VSTM2L: variants seen among roughly 807,000 people sequenced by gnomAD.
The protein encoded by VSTM2L is V-set and transmembrane domain containing 2 like.
A neutral mutation model predicts 19.9 loss-of-function variants in VSTM2L; 9 were observed. The observed-to-expected ratio is 0.45, with a 90% CI of 0.27 to 0.79. The LOEUF is 0.79. VSTM2L is among the 30% of genes least tolerant of loss of function. VSTM2L has a pLI of 0.15. For missense variants in VSTM2L, 286 were observed against 295.5 expected (o/e 0.97, Z 0.24); for synonymous variants, 127 against 133.8 (o/e 0.95, Z 0.35).
intron 3 of VSTM2L, among the ~76,000 whole-genome samples, chr20:37,937,192 AAGG>A (rs1172197486): frequency 2.6e-5 from 4 of 152,144 alleles, no homozygotes; most frequent in African/African-American, 9.7e-5. Context: ...CTGCTCTCAT[AAGG>A]AGATCATTTA....
intron 1 of VSTM2L, among the ~76,000 whole-genome samples, chr20:37,908,317 A>G (rs2072761841): frequency 6.6e-6 from 1 of 152,182 alleles, no homozygotes; most frequent in African/African-American, 2.4e-5. Context: ...GGAGTCGGGT[A>G]AGTGACCCCT....
chr20:37,911,013 C>A (rs1314034408), intron 1 of VSTM2L, among the ~76,000 whole-genome samples: 2 of 151,750 alleles, frequency 1.3e-5, no homozygotes, highest in Non-Finnish European at 2.9e-5. Context: ...TGGCTCACAC[C>A]TGTAATCCCA....
Position 37,944,265 on chromosome 20 carries a change from T to C in VSTM2L, c.*12T>C, listed in dbSNP as rs1201911159. On this transcript the variant is annotated 3_prime_UTR_variant, in exon 4 of 4. Coordinates refer to ENST00000373461, the MANE Select transcript of VSTM2L (RefSeq NM_080607.3). ...CCTGCAGCCTCTAGACTGATGCCCC[T>C]GCCCCCGCCCATCCGCCCCCACGCT... The C allele has an allele frequency of 1.4e-5, 19 of 1,361,914 alleles. No individual in the cohort carries two copies. The highest frequency in any genetic ancestry group is 1.8e-5 in the Non-Finnish European group (19 of 1,046,190). The allele number at this position is 1,361,914 out of a possible 1,614,324, so 84.4% of individuals were successfully genotyped here.
intron 1 of VSTM2L, among the ~76,000 whole-genome samples, chr20:37,919,509 T>G (rs935699575): frequency 6.6e-6 from 1 of 152,248 alleles, no homozygotes; most frequent in Non-Finnish European, 1.5e-5. Flanking sequence ...TTATGTCTCC[T>G]GATTTTAGAA....
intron 1 of VSTM2L, among the ~76,000 whole-genome samples, chr20:37,916,547 C>T (rs761720305): frequency 5.3e-5 from 8 of 152,218 alleles, no homozygotes; most frequent in Non-Finnish European, 8.8e-5. Context: ...TGGGAGGCGC[C>T]CTGCTTCCAG....
chr20:37,917,437 A>G (rs564625803), intron 1 of VSTM2L, among the ~76,000 whole-genome samples: 1 of 152,348 alleles, frequency 6.6e-6, no homozygotes, highest in East Asian at 1.9e-4. Context: ...GCTTGTGTCT[A>G]AGGCTCAGCA....
At chr20:37,938,151 G>A (rs2072951002) in intron 3 of VSTM2L, among the ~76,000 whole-genome samples, 1 of 152,078 alleles carries the variant, frequency 6.6e-6, no homozygotes, top group African/African-American at 2.4e-5. Flanking sequence ...CCTTGCTTTT[G>A]CCAGTGCTGA....
chr20:37,944,266 G>A lies in VSTM2L; in HGVS notation c.*13G>A, dbSNP rs892282436. On this transcript the variant is annotated 3_prime_UTR_variant, in exon 4 of 4. Coordinates refer to ENST00000373461, the MANE Select transcript of VSTM2L (RefSeq NM_080607.3). ...CTGCAGCCTCTAGACTGATGCCCCT[G>A]CCCCCGCCCATCCGCCCCCACGCTG... The A allele has an allele frequency of 6.8e-7, 1 of 1,468,058 alleles. No homozygotes were observed. 90.9% of individuals were successfully genotyped at this position (1,468,058 alleles called of 1,614,324 possible). A position where few individuals can be genotyped will look rare whatever the true frequency, so the allele number is the denominator to read the frequency against.
intron 1 of VSTM2L, 103 bp downstream of exon 1, chr20:37,903,574 G>T: frequency 1.5e-6 from 2 of 1,311,724 alleles, no homozygotes; most frequent in Non-Finnish European, 1.9e-6. Context: ...GCCAGTCGTG[G>T]CGGGCATCCC....
At chr20:37,941,402 G>A (rs529457748) in intron 3 of VSTM2L, among the ~76,000 whole-genome samples, 1 of 152,278 alleles carries the variant, frequency 6.6e-6, no homozygotes, top group African/African-American at 2.4e-5. Context: ...ACGCGCAAAG[G>A]CCGTGAGGTC....
chr20:37,940,318 G>A (rs1271401324), intron 3 of VSTM2L, among the ~76,000 whole-genome samples: 2 of 152,240 alleles, frequency 1.3e-5, no homozygotes, highest in African/African-American at 2.4e-5. Context: ...ACAGCCAGAG[G>A]GGCAGCTGGG....
At position 37,903,474 on chromosome 20, in the gene VSTM2L, G is replaced by A; in HGVS notation, c.121+3G>A. ...GGACAACCACGTCTCCGGCCACGGT[G>A]AGTTCGGTCGCCGCCCCCGCGGACT... On this transcript the variant is annotated splice_donor_region_variant and intron_variant, in intron 1 of 3. Transcript: ENST00000373461. 1 of 1,473,384 alleles carries A rather than the reference G, an allele frequency of 6.8e-7. No individual in the cohort carries two copies. Among genetic ancestry groups the A allele is most frequent in the South Asian group, 1.3e-5 (1 of 78,062 alleles). 91.3% of individuals were successfully genotyped at this position (1,473,384 alleles called of 1,614,324 possible).
chr20:37,932,080 GGGTACA>G (rs1242994354), intron 2 of VSTM2L, among the ~76,000 whole-genome samples: 1 of 152,208 alleles, frequency 6.6e-6, no homozygotes, highest in Non-Finnish European at 1.5e-5. Context: ...CCTCCCTTCG[GGGTACA>G]GGTGAGGAAA....
intron 2 of VSTM2L, 39 bp from the exon 3 acceptor site, chr20:37,933,500 C>CT: frequency 6.3e-7 from 1 of 1,599,656 alleles, no homozygotes; most frequent in Non-Finnish European, 8.6e-7. Context: ...GTGCTAACAC[C>CT]TTGTCTCTGC....
At chr20:37,942,975 A>AT (rs1379575544) in intron 3 of VSTM2L, among the ~76,000 whole-genome samples, 1 of 151,892 alleles carries the variant, frequency 6.6e-6, no homozygotes, top group African/African-American at 2.4e-5. Flanking sequence ...TTATTTATTT[A>AT]TTTTTTTGAG....
At chr20:37,934,343 A>G (rs1002267430) in intron 3 of VSTM2L, among the ~76,000 whole-genome samples, 1 of 152,154 alleles carries the variant, frequency 6.6e-6, no homozygotes, top group Non-Finnish European at 1.5e-5. Flanking sequence ...GGGAGAGAAC[A>G]TGGAGTGGAG....
At position 37,903,394 on chromosome 20, in the gene VSTM2L, T is replaced by G; in HGVS notation, c.44T>G (p.Leu15Arg). 1 of 1,490,518 alleles carries G rather than the reference T, an allele frequency of 6.7e-7. No individual in the cohort carries two copies. Among genetic ancestry groups the G allele is most frequent in the Non-Finnish European group, 8.9e-7 (1 of 1,126,510 alleles). 92.3% of individuals were successfully genotyped at this position (1,490,518 alleles called of 1,614,324 possible). A position where few individuals can be genotyped will look rare whatever the true frequency, so the allele number is the denominator to read the frequency against. ...LAVALGALHY[L>R]ALFLQLGGAT... The stretch of plus-strand genomic sequence containing the variant: ...GTAGCGCTGGGCGCCCTCCACTACC[T>G]GGCACTTTTCCTGCAACTCGGCGGC... The change falls in exon 1 of 4, where the codon CTG becomes CGG. Residue 15 changes from leucine (L) to arginine (R), a missense_variant. Physicochemically the swap from Leu to Arg is moderately radical, Grantham distance 102. Transcript: ENST00000373461.
At chr20:37,939,474 TATCAC>T (rs1189714169) in intron 3 of VSTM2L, among the ~76,000 whole-genome samples, 1 of 152,108 alleles carries the variant, frequency 6.6e-6, no homozygotes, top group Non-Finnish European at 1.5e-5. Flanking sequence ...TGATGAAACT[TATCAC>T]ATCATCTCAC....
At chr20:37,942,172 A>G (rs2072976067) in intron 3 of VSTM2L, among the ~76,000 whole-genome samples, 1 of 152,190 alleles carries the variant, frequency 6.6e-6, no homozygotes, top group Non-Finnish European at 1.5e-5. Flanking sequence ...ATGGAATACT[A>G]TACAGCAATG....
Sources: allele counts gnomAD v4.1 joint callset (sites outside exome capture counted in the v4.1 genomes callset), GRCh38; gene constraint gnomAD v4.1.1; transcripts MANE v1.5; gene names NCBI Gene and HGNC (gene_info 2026-07-23, HGNC 2026-07-21).